Variants in NKAIN2 observed in about 807,000 individuals in gnomAD.
The protein encoded by NKAIN2 is sodium/potassium-transporting ATPase subunit beta-1-interacting protein 2.
A neutral mutation model predicts 32.6 loss-of-function variants in NKAIN2; 14 were observed. The ratio of observed to expected loss-of-function variants is 0.43; its 90% CI spans 0.28 to 0.67. The LOEUF is 0.67. NKAIN2 is among the 30% of genes least tolerant of loss of function. The pLI is 0.17. For missense variants in NKAIN2, 198 were observed against 258.3 expected, an observed-to-expected ratio of 0.77 and a Z score of 1.60; for synonymous variants, 80 against 87.2, an observed-to-expected ratio of 0.92 and a Z score of 0.46.
chr6:124,011,948 T>C lies in NKAIN2; in HGVS notation c.54+207694T>C, dbSNP rs556710386. ...TGATAAATAGGACAGAATTCAAATC[T>C]GCAATAAGTCATAGGTCAATCTGAG... On this transcript the variant is annotated intron_variant, in intron 1 of 6. Transcript: ENST00000368417. 5.9e-5 allele frequency among the ~76,000 whole-genome samples: 9 copies of C among 152,320 alleles called. No individual in the cohort carries two copies. In the East Asian group the frequency reaches 1.7e-3, roughly 29 times the overall value.
At chr6:124,294,718 T>C (rs1035123478) in intron 2 of NKAIN2, among the ~76,000 whole-genome samples, 5 of 152,120 alleles carry the variant, frequency 3.3e-5, no homozygotes, top group Admixed American at 3.3e-4. Flanking sequence ...TTTAAGGAAA[T>C]AGTTGTCATT....
chr6:124,381,926 G>A (rs1274894604), intron 3 of NKAIN2, among the ~76,000 whole-genome samples: 1 of 152,044 alleles, frequency 6.6e-6, no homozygotes, highest in Admixed American at 6.6e-5. Context: ...CTAACTTTAA[G>A]GCAATGAAAA....
intron 3 of NKAIN2, among the ~76,000 whole-genome samples, chr6:124,518,198 T>C (rs1057363053): frequency 6.6e-6 from 1 of 151,772 alleles, no homozygotes; most frequent in Non-Finnish European, 1.5e-5. Context: ...TCTCTGCACA[T>C]TTTGTTGAGC....
intron 3 of NKAIN2, among the ~76,000 whole-genome samples, chr6:124,431,765 C>A (rs1403937565): frequency 1.3e-5 from 2 of 151,856 alleles, no homozygotes; most frequent in East Asian, 3.9e-4. Flanking sequence ...GTGTTTGTAA[C>A]ACACACACAC....
intron 1 of NKAIN2, among the ~76,000 whole-genome samples, chr6:123,888,219 A>T (rs1773822521): frequency 6.6e-6 from 1 of 152,138 alleles, no homozygotes; most frequent in South Asian, 2.1e-4. Flanking sequence ...AATATTACTA[A>T]TTTAATATAA....
At chr6:124,675,110 G>C (rs902504473) in intron 4 of NKAIN2, among the ~76,000 whole-genome samples, 2 of 151,904 alleles carry the variant, frequency 1.3e-5, no homozygotes, top group Non-Finnish European at 2.9e-5. Flanking sequence ...TGCATCCATT[G>C]ATCTGATCTT....
At chr6:124,774,001 A>G (rs188184140) in intron 4 of NKAIN2, among the ~76,000 whole-genome samples, 5 of 152,300 alleles carry the variant, frequency 3.3e-5, no homozygotes, top group Admixed American at 1.3e-4. Context: ...GGGGAGACAC[A>G]TTATGTCACA....
chr6:123,849,276 C>T (rs919243051), intron 1 of NKAIN2, among the ~76,000 whole-genome samples: 1 of 152,074 alleles, frequency 6.6e-6, no homozygotes, highest in Non-Finnish European at 1.5e-5. Context: ...CAGAAGCTGA[C>T]CTTGAGGTAA....
chr6:124,178,600 A>T (rs113064696), intron 1 of NKAIN2, among the ~76,000 whole-genome samples: 127 of 152,300 alleles, frequency 8.3e-4, no homozygotes, highest in African/African-American at 3.0e-3. Flanking sequence ...CCTGGCCGAC[A>T]TACATTAACT....
intron 3 of NKAIN2, among the ~76,000 whole-genome samples, chr6:124,633,522 A>G (rs1360815577): frequency 6.6e-6 from 1 of 152,184 alleles, no homozygotes. Flanking sequence ...ATTCATCATC[A>G]ATAACATCAA....
chr6:124,382,670 G>A lies in NKAIN2; in HGVS notation c.273+27323G>A, dbSNP rs368931993. Among the ~76,000 whole-genome samples the A allele has an allele frequency of 1.5e-3, 235 of 152,266 alleles. 6 individuals carry two copies. The South Asian group carries it at 0.045, about 29-fold the overall frequency. ...CATACAAAGTAAGCAGAAGAAAACA[G>A]TACCCCAAAATCTATTAAAGGGAAC... On this transcript the variant is annotated intron_variant, in intron 3 of 6. Coordinates refer to ENST00000368417, the MANE Select transcript of NKAIN2 (RefSeq NM_001040214.3).
intron 1 of NKAIN2, among the ~76,000 whole-genome samples, chr6:123,966,136 C>T (rs953551520): frequency 3.9e-5 from 6 of 152,140 alleles, no homozygotes; most frequent in Non-Finnish European, 5.9e-5. Flanking sequence ...ACTGCCAGGA[C>T]GATGGTAGCA....
At chr6:124,122,982 T>C (rs1785962425) in intron 1 of NKAIN2, among the ~76,000 whole-genome samples, 1 of 152,190 alleles carries the variant, frequency 6.6e-6, no homozygotes, top group Non-Finnish European at 1.5e-5. Flanking sequence ...TAGAAATTAA[T>C]TTAGTTAAAA....
chr6:123,941,382 A>G (rs958836370), intron 1 of NKAIN2, among the ~76,000 whole-genome samples: 2 of 151,844 alleles, frequency 1.3e-5, no homozygotes, highest in African/African-American at 4.8e-5. Flanking sequence ...ATCAAGTGTT[A>G]TATATACTGT....
At chr6:124,740,710 A>G (rs1777166479) in intron 4 of NKAIN2, among the ~76,000 whole-genome samples, 1 of 151,922 alleles carries the variant, frequency 6.6e-6, no homozygotes, top group African/African-American at 2.4e-5. Flanking sequence ...TGCCGTTCTA[A>G]GAAACTATAA....
At chr6:124,464,428 CTT>C (rs11404689) in intron 3 of NKAIN2, among the ~76,000 whole-genome samples, 1 of 146,852 alleles carries the variant, frequency 6.8e-6, no homozygotes, top group African/African-American at 2.5e-5. Context: ...GAATTATAAG[CTT>C]TTTTTTTTTC....
intron 1 of NKAIN2, among the ~76,000 whole-genome samples, chr6:123,824,568 A>G (rs1774064984): frequency 6.6e-6 from 1 of 152,032 alleles, no homozygotes; most frequent in Non-Finnish European, 1.5e-5. Flanking sequence ...AGTAGTTTAC[A>G]GTTTAAAAAT....
At chr6:124,431,496 C>T (rs950829427) in intron 3 of NKAIN2, among the ~76,000 whole-genome samples, 2 of 152,102 alleles carry the variant, frequency 1.3e-5, no homozygotes, top group Non-Finnish European at 2.9e-5. Context: ...CTATTATTGT[C>T]CCGTGAGAAT....
Position 124,779,243 on chromosome 6 carries a change from A to AG in NKAIN2, c.475-12096_475-12095insG, listed in dbSNP as rs1779129592. On this transcript the variant is annotated intron_variant, in intron 4 of 6. Coordinates refer to ENST00000368417, the MANE Select transcript of NKAIN2 (RefSeq NM_001040214.3). ...TGGGCGACAGAGCCAGACTCCAACA[A>AG]AGAAAGAGAGAGAGAGAGAGAGAGA... is the stretch of plus-strand genomic sequence containing the variant. Among the ~76,000 whole-genome samples, 11 of 45,886 alleles carry AG rather than the reference A, an allele frequency of 2.4e-4. 1 individual carries two copies. Among genetic ancestry groups the AG allele is most frequent in the African/African-American group, 1.0e-3 (10 of 9,942 alleles). The allele number at this position is 45,886 out of a possible 152,430, so 30.1% of individuals were successfully genotyped here.
Sources: allele counts gnomAD v4.1 joint callset (sites outside exome capture counted in the v4.1 genomes callset), GRCh38; gene constraint gnomAD v4.1.1; transcripts MANE v1.5; gene names NCBI Gene and HGNC (gene_info 2026-07-23, HGNC 2026-07-21).